AGPAT5: variants seen among roughly 807,000 people sequenced by gnomAD.
The protein encoded by AGPAT5 is 1-acylglycerol-3-phosphate O-acyltransferase 5, also known as 1-acyl-sn-glycerol-3-phosphate acyltransferase epsilon.
In AGPAT5, 46 loss-of-function variants were observed where a neutral mutation model predicts 45.6. The ratio of observed to expected loss-of-function variants is 1.01; its 90% CI spans 0.80 to 1.29. The LOEUF is 1.29. AGPAT5 is among the 50% of genes most tolerant of loss of function. AGPAT5 has a pLI of 0.00. For synonymous variants in AGPAT5, 272 were observed against 167.0 expected (o/e 1.63, Z -4.85); for missense variants, 673 against 450.7 (o/e 1.49, Z -4.47).
Position 6,759,859 on chromosome 8 carries a change from A to C in AGPAT5, c.*2471A>C, listed in dbSNP as rs770941998. 5.3e-5 allele frequency among the ~76,000 whole-genome samples: 8 copies of C among 152,206 alleles called. No individual in the cohort carries two copies. Among genetic ancestry groups the C allele is most frequent in the Non-Finnish European group, 1.0e-4 (7 of 68,038 alleles). Reference sequence around the variant, plus strand: ...AGTTTGGTTATATAAATTCATCTGCAATTTATAAGATGCATGGCCGATGTT... The same window carrying C: ...AGTTTGGTTATATAAATTCATCTGCCATTTATAAGATGCATGGCCGATGTT... On this transcript the variant is annotated 3_prime_UTR_variant, in exon 8 of 8. Coordinates refer to ENST00000285518, the MANE Select transcript of AGPAT5 (RefSeq NM_018361.5).
chr8:6,709,056 G>C (rs773396474), intron 1 of AGPAT5, 169 bp downstream of exon 1: 2 of 742,402 alleles, frequency 2.7e-6, no homozygotes, highest in East Asian at 5.4e-5. Flanking sequence ...CTGCCGTTCT[G>C]CCGAGATCGC....
chr8:6,750,664 C>T (rs1801628240), intron 6 of AGPAT5, among the ~76,000 whole-genome samples: 2 of 151,300 alleles, frequency 1.3e-5, no homozygotes, highest in African/African-American at 2.4e-5. Context: ...CAACAATAGA[C>T]ATTTCACATT....
At chr8:6,756,025 A>G (rs1242297843) in intron 7 of AGPAT5, among the ~76,000 whole-genome samples, 2 of 152,254 alleles carry the variant, frequency 1.3e-5, no homozygotes, top group African/African-American at 4.8e-5. Context: ...TTTTATAAGT[A>G]TTTAGAATAC....
chr8:6,751,790 A>G (rs915801472), intron 6 of AGPAT5, among the ~76,000 whole-genome samples: 1 of 152,124 alleles, frequency 6.6e-6, no homozygotes, highest in Non-Finnish European at 1.5e-5. Flanking sequence ...TTGGTATTCT[A>G]TTTGAGTATT....
At position 6,708,854 on chromosome 8, in the gene AGPAT5, G is replaced by A; in HGVS notation, c.186G>A (p.Val62=). ...DRLYCVYQSM[V]LFFFENYTGV... is the part of the protein sequence containing the mutation. ...TCTACTGCGTCTACCAGAGCATGGTGCTCTTCTTCTTCGAGAATTACACCG... is the reference window on the plus strand; with the variant it reads ...TCTACTGCGTCTACCAGAGCATGGTACTCTTCTTCTTCGAGAATTACACCG... Residue 62 remains valine, a synonymous_variant, in exon 1 of 8, where the codon GTG becomes GTA. Coordinates refer to ENST00000285518, the MANE Select transcript of AGPAT5 (RefSeq NM_018361.5). 2.5e-6 allele frequency: 4 copies of A among 1,609,778 alleles called. No individual in the cohort carries two copies. Among genetic ancestry groups the A allele is most frequent in the Non-Finnish European group, 8.5e-7 (1 of 1,178,546 alleles).
Position 6,730,773 on chromosome 8 carries a change from G to C in AGPAT5, c.352G>C (p.Val118Leu). The change falls in exon 3 of 8, where the codon GTG becomes CTG. Residue 118 changes from valine to leucine, a missense_variant. Transcript: ENST00000285518. ...GAATGCGCTAGGACATGTGCGCTAC[G>C]TGCTGAAAGAAGGGTTAAAATGGCT... ...RQNALGHVRY[V>L]LKEGLKWLPL... The C allele has an allele frequency of 6.2e-7, 1 of 1,613,618 alleles. No individual in the cohort carries two copies. Among genetic ancestry groups the C allele is most frequent in the Non-Finnish European group, 8.5e-7 (1 of 1,179,674 alleles).
At chr8:6,712,960 G>A (rs1394402482) in intron 1 of AGPAT5, among the ~76,000 whole-genome samples, 1 of 152,012 alleles carries the variant, frequency 6.6e-6, no homozygotes, top group East Asian at 1.9e-4. Context: ...ATTGAAATTT[G>A]TAGGCCAAAA....
chr8:6,710,029 A>G (rs1363302779), intron 1 of AGPAT5, among the ~76,000 whole-genome samples: 4 of 152,182 alleles, frequency 2.6e-5, no homozygotes, highest in African/African-American at 9.7e-5. Context: ...AGTTTGTCTA[A>G]ATGTATGATT....
In AGPAT5 at chr8:6,747,750, G is replaced by T. The variant is rs1265235959; in HGVS notation, c.667G>T (p.Asp223Tyr). 6.2e-7 allele frequency: 1 copy of T among 1,614,080 alleles called. No homozygotes were observed. The highest frequency in any genetic ancestry group is 1.3e-5 in the African/African-American group (1 of 74,932). ...VAFDCMKNYL[D>Y]AIYDVTVVYE... Reference sequence around the variant, plus strand: ...TTTTGATTGCATGAAGAATTATTTAGATGCAATTTATGATGTTACGGTGGT... The same window carrying T: ...TTTTGATTGCATGAAGAATTATTTATATGCAATTTATGATGTTACGGTGGT... Residue 223 changes from aspartate to tyrosine, a missense_variant, in exon 6 of 8, where the codon GAT becomes TAT. By Grantham distance (160) the Asp-to-Tyr change is radical (BLOSUM62 -3). Coordinates refer to ENST00000285518, the MANE Select transcript of AGPAT5 (RefSeq NM_018361.5).
chr8:6,713,685 C>G (rs528225823), intron 1 of AGPAT5, among the ~76,000 whole-genome samples: 33 of 152,050 alleles, frequency 2.2e-4, no homozygotes, highest in African/African-American at 8.0e-4. Context: ...TCCTGAGTAG[C>G]TGGGACTACA....
chr8:6,751,586 A>C (rs765502531), intron 6 of AGPAT5, among the ~76,000 whole-genome samples: 1 of 152,182 alleles, frequency 6.6e-6, no homozygotes, highest in African/African-American at 2.4e-5. Context: ...TTTATGGTGT[A>C]AGTTTCATTT....
chr8:6,745,065 G>A (rs1801391157), intron 5 of AGPAT5: 1 of 152,272 alleles, frequency 6.6e-6, no homozygotes, highest in African/African-American at 2.4e-5. Context: ...AGGATTTTTT[G>A]CTTTCAGAAA....
intron 1 of AGPAT5, among the ~76,000 whole-genome samples, chr8:6,710,194 GA>G (rs1800106229): frequency 1.3e-5 from 2 of 152,134 alleles, no homozygotes. Context: ...ATATGATGCA[GA>G]ATACACCATT....
chr8:6,753,883 A>G (rs1471716272), intron 6 of AGPAT5, among the ~76,000 whole-genome samples: 1 of 152,222 alleles, frequency 6.6e-6, no homozygotes, highest in South Asian at 2.1e-4. Context: ...GCATGTTACT[A>G]AGAGCTCGAC....
At chr8:6,726,317 G>T (rs939239657) in intron 2 of AGPAT5, among the ~76,000 whole-genome samples, 3 of 152,192 alleles carry the variant, frequency 2.0e-5, no homozygotes, top group Non-Finnish European at 4.4e-5. Context: ...GCTCTTGATA[G>T]ATTTGATTTT....
chr8:6,742,885 ATT>A (rs1387214074), intron 5 of AGPAT5, among the ~76,000 whole-genome samples: 1 of 151,956 alleles, frequency 6.6e-6, no homozygotes, highest in East Asian at 1.9e-4. Context: ...TTTGACTTTC[ATT>A]GCTTCCTCTG....
chr8:6,725,743 A>T (rs1021156673), intron 2 of AGPAT5, among the ~76,000 whole-genome samples: 1 of 152,200 alleles, frequency 6.6e-6, no homozygotes, highest in Non-Finnish European at 1.5e-5. Context: ...CATTTTTATT[A>T]CTTTAAAAAA....
chr8:6,715,792 TTAAAG>T (rs1396961436), intron 1 of AGPAT5, among the ~76,000 whole-genome samples: 6 of 152,330 alleles, frequency 3.9e-5, no homozygotes, highest in East Asian at 1.9e-4. Flanking sequence ...AAGTAACTCT[TTAAAG>T]TAACTCTTTG....
intron 7 of AGPAT5, 69 bp from the exon 8 acceptor site, chr8:6,757,092 ACC>A: frequency 8.6e-7 from 1 of 1,166,822 alleles, no homozygotes; most frequent in South Asian, 1.5e-5. Context: ...TGTAATAGCT[ACC>A]TGATTGATAT....
Sources: allele counts gnomAD v4.1 joint callset (sites outside exome capture counted in the v4.1 genomes callset), GRCh38; gene constraint gnomAD v4.1.1; transcripts MANE v1.5; gene names NCBI Gene and HGNC (gene_info 2026-07-23, HGNC 2026-07-21).